Variants in TAOK2 observed in about 807,000 individuals in gnomAD.
TAOK2 encodes serine/threonine-protein kinase TAO2.
TAOK2 carries 42 observed loss-of-function variants against 122.5 expected under a neutral mutation model. That is an observed-to-expected ratio of 0.34 (90% CI 0.27 to 0.44). The LOEUF is 0.44. TAOK2 is among the 20% of genes least tolerant of loss of function. The probability of loss-of-function intolerance (pLI) is 1.00; values close to 1 mark genes in which losing one functional copy is unlikely to be tolerated. For synonymous variants in TAOK2, 704 were observed against 677.6 expected, an observed-to-expected ratio of 1.04 and a Z score of -0.61; for missense variants, 1,264 against 1,644.9, an observed-to-expected ratio of 0.77 and a Z score of 4.01.
chr16:29,988,466 G>C, downstream of TAOK2: 1 of 1,232,314 alleles, frequency 8.1e-7, no homozygotes, highest in Non-Finnish European at 1.0e-6. Context: ...CCCCCAGGCT[G>C]ACCCTCGGCC....
At chr16:29,982,071 C>G in intron 10 of TAOK2, 131 bp downstream of exon 10, 1 of 720,154 alleles carries the variant, frequency 1.4e-6, no homozygotes, top group Non-Finnish European at 2.4e-6. Context: ...ACCCCATCCC[C>G]AATGCCTAGT....
Position 29,986,892 on chromosome 16 carries a change from G to A in TAOK2, c.2620G>A (p.Gly874Arg). Residue 874 changes from glycine (G) to arginine (R), a missense_variant, in exon 16 of 16, where the codon GGG becomes AGG. Around this residue, in one of 4 missense-constraint regions of TAOK2, gnomAD observed 824 missense variants for 908.7 expected, o/e 0.91. Coordinates refer to ENST00000308893, the MANE Select transcript of TAOK2 (RefSeq NM_016151.4). This position sits in a 1 kb window ranked among gnomAD's most constrained non-coding sequence, Gnocchi z 4.2. ...GGAGGCTGGGACATGGAGCTTGTGGGGGAAGGAGGATGAGAGTCTTCTGGA... is the reference window on the plus strand; with the variant it reads ...GGAGGCTGGGACATGGAGCTTGTGGAGGAAGGAGGATGAGAGTCTTCTGGA... ...QEEAGTWSLW[G>R]KEDESLLDEE... 1 of 1,614,052 alleles carries A rather than the reference G, an allele frequency of 6.2e-7. No homozygotes were observed. The highest frequency in any genetic ancestry group is 1.7e-5 in the Admixed American group (1 of 60,020).
chr16:29,988,229 C>G lies in TAOK2; in HGVS notation c.*249C>G, dbSNP rs1038814865. The G allele has an allele frequency of 6.9e-7, 1 of 1,448,764 alleles. No homozygotes were observed. The highest frequency in any genetic ancestry group is 9.0e-7 in the Non-Finnish European group (1 of 1,107,846). 89.7% of individuals were successfully genotyped at this position (1,448,764 alleles called of 1,614,324 possible). A position where few individuals can be genotyped will look rare whatever the true frequency, so the allele number is the denominator to read the frequency against. On this transcript the variant is annotated 3_prime_UTR_variant, in exon 16 of 16. Transcript: ENST00000308893. ...TGTTCGCCCGCTGTGTGTGCTCATC[C>G]TCACCCTCATTGACTCAGGCCTGGG...
intron 8 of TAOK2, among the ~76,000 whole-genome samples, chr16:29,980,037 A>G (rs2069569152): frequency 6.6e-6 from 1 of 152,210 alleles, no homozygotes; most frequent in Non-Finnish European, 1.5e-5. Flanking sequence ...AGGCAGAGAG[A>G]ACAGCATGTG....
At chr16:29,981,510 C>CT in intron 8 of TAOK2, 151 bp from the exon 9 acceptor site, 1 of 730,346 alleles carries the variant, frequency 1.4e-6, no homozygotes, top group Non-Finnish European at 2.5e-6. Context: ...AAGGAATTAA[C>CT]TGAGACGCAA....
intron 13 of TAOK2, among the ~76,000 whole-genome samples, chr16:29,984,714 C>T (rs915828942): frequency 5.3e-5 from 8 of 152,074 alleles, no homozygotes; most frequent in Admixed American, 4.6e-4. Context: ...CTTGTGGCCC[C>T]GATCCCACCT....
downstream of TAOK2, chr16:29,989,386 T>C (rs1360612699): frequency 1.5e-5 from 15 of 984,908 alleles, no homozygotes; most frequent in Non-Finnish European, 1.8e-5. Flanking sequence ...CACCTCTCCA[T>C]GTCTGTCTGT....
chr16:29,991,834 G>T, downstream of TAOK2: 1 of 398,272 alleles, frequency 2.5e-6, no homozygotes, highest in Non-Finnish European at 4.4e-6. The surrounding 1 kb of genome is among the most constrained non-coding windows in gnomAD (Gnocchi z 5.6). Flanking sequence ...AAAGGAGGGA[G>T]ATGTGCGTGT....
chr16:29,979,012 G>A lies in TAOK2; in HGVS notation c.391G>A (p.Val131Met). The A allele has an allele frequency of 6.2e-7, 1 of 1,614,160 alleles. No homozygotes were observed. ...KPLQEVEIAAVTHGALQGLAY... is the reference protein window; with the variant it reads ...KPLQEVEIAAMTHGALQGLAY... ...CCTTCAGGAGGTAGAGATCGCAGCT[G>A]TGACCCACGGGGCGCTTCAGGGCCT... The change falls in exon 6 of 16, where the codon GTG becomes ATG. Residue 131 changes from valine (V) to methionine (M), a missense_variant. Around this residue, in one of 4 missense-constraint regions of TAOK2, gnomAD observed 254 missense variants for 503.8 expected, o/e 0.50. Coordinates refer to ENST00000308893, the MANE Select transcript of TAOK2 (RefSeq NM_016151.4). The surrounding 1 kb of genome is among the most constrained non-coding windows in gnomAD (Gnocchi z 4.1).
At chr16:29,991,512 C>T (rs1255089954), downstream of TAOK2, 12 of 1,481,332 alleles carry the variant, frequency 8.1e-6, no homozygotes, top group South Asian at 1.4e-5. This position sits in a 1 kb window ranked among gnomAD's most constrained non-coding sequence, Gnocchi z 5.6. Flanking sequence ...GCCCCTGAGC[C>T]GCAGCACCAG....
In TAOK2 at chr16:29,987,486, C is replaced by G. The variant is rs533140450; in HGVS notation, c.3214C>G (p.Gln1072Glu). 26 of 1,594,460 alleles carry G rather than the reference C, an allele frequency of 1.6e-5. No homozygotes were observed. In the African/African-American group the frequency reaches 2.7e-4, roughly 16 times the overall value. ...GGCAGCGGGGGGCAGATGGGTGCGG[C>G]AGCAGGGCCCCCGGGTGCGCCGGGG... ...AMAAGGRWVR[Q>E]QGPRVRRGIS... Residue 1072 changes from glutamine (Q) to glutamate (E), a missense_variant, in exon 16 of 16, where the codon CAG (glutamine) becomes GAG (glutamate). By Grantham distance (29) the Gln-to-Glu change is conservative. Coordinates refer to ENST00000308893, the MANE Select transcript of TAOK2 (RefSeq NM_016151.4).
downstream of TAOK2, chr16:29,988,781 C>T: frequency 1.0e-6 from 1 of 985,372 alleles, no homozygotes; most frequent in Non-Finnish European, 1.2e-6. Flanking sequence ...GACGGGGCTG[C>T]AGACCCTCCA....
chr16:29,983,331 C>A lies in TAOK2; in HGVS notation c.1259C>A (p.Pro420Gln). The change falls in exon 12 of 16, where the codon CCG becomes CAG. Residue 420 changes from proline to glutamine, a missense_variant and splice_region_variant. Pro to Gln is a moderately conservative substitution (Grantham distance 76, BLOSUM62 -1). Transcript: ENST00000308893. Reference sequence around the variant, plus strand: ...CACAGCTCCATTATCCACCGGCTGCCGGTACACAGCTCACCCTTGGGGGAC... The same window carrying A: ...CACAGCTCCATTATCCACCGGCTGCAGGTACACAGCTCACCCTTGGGGGAC... ...TSHSSIIHRL[P>Q]GSDNLYDDPY... The A allele has an allele frequency of 1.3e-6, 2 of 1,593,708 alleles. No individual in the cohort carries two copies. The highest frequency in any genetic ancestry group is 1.7e-6 in the Non-Finnish European group (2 of 1,175,006).
In TAOK2 at chr16:29,985,878, CTG is replaced by C. The variant is rs2069773351; in HGVS notation, c.1992+19_1992+20del. The stretch of plus-strand genomic sequence containing the variant: ...CTGCGGGAGGTAGGCATCCCAATCT[CTG>C]TTCCCCTCCCGCTCACTCGTGGATC... On this transcript the variant is annotated intron_variant, in intron 15 of 15. Transcript: ENST00000308893. This position sits in a 1 kb window ranked among gnomAD's most constrained non-coding sequence, Gnocchi z 6.9. 6.2e-7 allele frequency: 1 copy of C among 1,609,048 alleles called. No individual in the cohort carries two copies.
chr16:29,975,713 T>G (rs936902154), intron 1 of TAOK2, among the ~76,000 whole-genome samples: 1 of 152,150 alleles, frequency 6.6e-6, no homozygotes, highest in African/African-American at 2.4e-5. Context: ...TTTTAACTGT[T>G]CAAGCCAAGC....
chr16:29,983,025 C>T, intron 11 of TAOK2, 47 bp from the exon 12 acceptor site: 1 of 1,611,118 alleles, frequency 6.2e-7, no homozygotes, highest in Middle Eastern at 1.7e-4. Context: ...ATGCATATGC[C>T]CCAGGGCTTC....
At chr16:29,977,925 G>A (rs891723491) in intron 2 of TAOK2, 21 bp downstream of exon 2, 8 of 1,614,160 alleles carry the variant, frequency 5.0e-6, no homozygotes, top group Middle Eastern at 3.3e-4. Context: ...TCTTGGGAGG[G>A]TGTAATAGGG....
downstream of TAOK2, chr16:29,990,890 C>T (rs1466414166): frequency 1.9e-6 from 3 of 1,613,690 alleles, no homozygotes; most frequent in Non-Finnish European, 2.5e-6. Context: ...AAGATCCGCA[C>T]AGAGAGCCAG....
rs761237704 is a variant in TAOK2, at chr16:29,979,459, C to T, written c.606C>T (p.Tyr202=). 3 of 1,575,744 alleles carry T rather than the reference C, an allele frequency of 1.9e-6. No homozygotes were observed. Among genetic ancestry groups the T allele is most frequent in the Non-Finnish European group, 2.6e-6 (3 of 1,158,804 alleles). ...TCCTGGCCATGGATGAGGGGCAGTA[C>T]GATGGCAAAGTGGACGTCTGGTCCT... ...EVILAMDEGQ[Y]DGKVDVWSLG... The change falls in exon 8 of 16, where the codon TAC becomes TAT. Residue 202 remains tyrosine (Y), a synonymous_variant. Transcript: ENST00000308893. This position sits in a 1 kb window ranked among gnomAD's most constrained non-coding sequence, Gnocchi z 4.1.
Sources: gnomAD v4.1 joint callset for allele counts (sites outside exome capture counted in the v4.1 genomes callset) on GRCh38, gnomAD v4.1.1 for gene constraint, gnomAD v4.1.1 regional missense constraint, Gnocchi (gnomAD v3.1) non-coding constraint, MANE v1.5 for transcripts, NCBI Gene and HGNC (gene_info 2026-07-23, HGNC 2026-07-21) for gene names.